RGPD3: variants seen among roughly 807,000 people sequenced by gnomAD.
RGPD3 encodes the protein RANBP2 like and GRIP domain containing 3, also known as ranBP2-like and GRIP domain-containing protein 3.
RGPD3 carries 62 observed loss-of-function variants against 154.5 expected under a neutral mutation model. The ratio of observed to expected loss-of-function variants is 0.40; its 90% CI spans 0.33 to 0.50. The LOEUF (loss-of-function observed/expected upper bound fraction) is 0.50. Ranked by LOEUF, RGPD3 falls within the 20% of genes least tolerant of loss-of-function variation. The pLI, the probability that RGPD3 is intolerant of heterozygous loss-of-function variation, is 0.59. For synonymous variants in RGPD3, 308 were observed against 607.0 expected (o/e 0.51, Z 7.24); for missense variants, 919 against 1,716.8 (o/e 0.54, Z 8.21).
Position 106,423,920 on chromosome 2 carries a change from A to G in RGPD3, c.4047T>C (p.Ser1349=), listed in dbSNP as rs767650294. ...AAACAACTTGTTCATTTTCCTCACC[A>G]CTGGATACTTCAACTAGATCAGGTA... is the stretch of plus-strand genomic sequence containing the variant. ...VPLPDLVEVS[S]GEENEQVVFS... Residue 1349 remains serine, a synonymous_variant, in exon 20 of 23, where the codon AGT becomes AGC. Transcript: ENST00000409886. 6 of 1,611,858 alleles carry G rather than the reference A, an allele frequency of 3.7e-6. No homozygotes were observed. Among genetic ancestry groups the G allele is most frequent in the South Asian group, 1.1e-5 (1 of 90,976 alleles).
chr2:106,407,239 G>C (rs1361976757), intron 22 of RGPD3, among the ~76,000 whole-genome samples: 1 of 151,446 alleles, frequency 6.6e-6, no homozygotes, highest in Non-Finnish European at 1.5e-5. Context: ...AGAAGACAGA[G>C]AGAGTCCGCT....
intron 20 of RGPD3, among the ~76,000 whole-genome samples, chr2:106,421,885 T>TA (rs1373810732): frequency 6.6e-6 from 1 of 151,446 alleles, no homozygotes; most frequent in Non-Finnish European, 1.5e-5. Flanking sequence ...CACTACATTT[T>TA]AAAAAACAAA....
At chr2:106,468,123 C>T (rs1258909142) in intron 1 of RGPD3, 94 bp downstream of exon 1, 10 of 1,469,478 alleles carry the variant, frequency 6.8e-6, no homozygotes, top group Non-Finnish European at 9.1e-6. Flanking sequence ...TCGTCGGGAG[C>T]CATGACGCCT....
chr2:106,438,397 A>G (rs897596410), intron 9 of RGPD3, among the ~76,000 whole-genome samples: 1 of 150,970 alleles, frequency 6.6e-6, no homozygotes, highest in African/African-American at 2.4e-5. Flanking sequence ...CTGAGGCAAG[A>G]GAATCCCTTG....
intron 20 of RGPD3, among the ~76,000 whole-genome samples, chr2:106,418,590 A>G (rs1291333322): frequency 1.3e-5 from 2 of 151,810 alleles, no homozygotes; most frequent in African/African-American, 2.4e-5. Context: ...TTTCTGAGAC[A>G]GGGTCTCACT....
chr2:106,416,082 A>G, intron 20 of RGPD3, 93 bp from the exon 21 acceptor site: 1 of 1,539,630 alleles, frequency 6.5e-7, no homozygotes, highest in Non-Finnish European at 8.8e-7. Flanking sequence ...ATATCTTACT[A>G]TGTGATATTT....
chr2:106,470,796 C>T (rs1207082866), upstream of RGPD3: 8 of 1,601,422 alleles, frequency 5.0e-6, no homozygotes, highest in South Asian at 5.6e-5. Flanking sequence ...TAGTCCTTTT[C>T]TTACCTCGTC....
intron 1 of RGPD3, among the ~76,000 whole-genome samples, chr2:106,464,868 C>T (rs1438611121): frequency 1.3e-5 from 2 of 150,840 alleles, no homozygotes; most frequent in Admixed American, 1.3e-4. Flanking sequence ...GGACTACAGG[C>T]GCTGCCACCA....
At chr2:106,425,851 T>C in intron 19 of RGPD3, 143 bp downstream of exon 19, 2 of 759,288 alleles carry the variant, frequency 2.6e-6, no homozygotes, top group Non-Finnish European at 3.7e-6. Context: ...ATAATTTCTG[T>C]ATTTGGAGAT....
chr2:106,461,582 G>A (rs1456974110), intron 1 of RGPD3, among the ~76,000 whole-genome samples: 4 of 151,480 alleles, frequency 2.6e-5, no homozygotes, highest in Admixed American at 2.6e-4. Flanking sequence ...GACCACGGGT[G>A]ACGCAGGTAA....
intron 19 of RGPD3, among the ~76,000 whole-genome samples, 198 bp from the exon 20 acceptor site, chr2:106,425,464 TA>T (rs1416793752): frequency 6.9e-6 from 1 of 145,204 alleles, no homozygotes; most frequent in Admixed American, 7.0e-5. Flanking sequence ...TATCTCATTT[TA>T]ATATCCTCAA....
intron 22 of RGPD3, among the ~76,000 whole-genome samples, chr2:106,412,516 G>A (rs1312783762): frequency 6.6e-6 from 1 of 151,134 alleles, no homozygotes; most frequent in Non-Finnish European, 1.5e-5. Flanking sequence ...CACCATGTTG[G>A]CCAGGATGGT....
rs1174729037 is a variant in RGPD3 at position 106,436,149 on chromosome 2, G to A, written c.1732C>T (p.His578Tyr). 6 of 1,609,770 alleles carry A rather than the reference G, an allele frequency of 3.7e-6. No homozygotes were observed. Among genetic ancestry groups the A allele is most frequent in the Admixed American group, 3.4e-5 (2 of 59,412 alleles). ...ATTTTCTGAAGGCATTTTGCCCAAT[G>A]TACAAGCAGAGCAGGTTGAAGGCCA... ...KHGLQPALLVHWAKCLQKMGS... is the reference protein window; with the variant it reads ...KHGLQPALLVYWAKCLQKMGS... The change falls in exon 12 of 23, where the codon CAT becomes TAT. Residue 578 changes from histidine (H) to tyrosine (Y), a missense_variant. Transcript: ENST00000409886.
chr2:106,460,729 TC>T (rs1272448698), intron 1 of RGPD3, among the ~76,000 whole-genome samples: 1 of 54,564 alleles, frequency 1.8e-5, no homozygotes, highest in African/African-American at 7.9e-5. Context: ...ACGCCTGTAA[TC>T]CCTGCTGCTT....
At chr2:106,468,857 G>C (rs111679270), upstream of RGPD3, among the ~76,000 whole-genome samples, 2 of 144,660 alleles carry the variant, frequency 1.4e-5, no homozygotes. Flanking sequence ...ATTTGAGGCA[G>C]CTGAGGAACT....
At chr2:106,410,823 T>C (rs947173215) in intron 22 of RGPD3, among the ~76,000 whole-genome samples, 1 of 152,042 alleles carries the variant, frequency 6.6e-6, no homozygotes, top group African/African-American at 2.4e-5. Context: ...CTACTAAAAA[T>C]ATACATGATG....
chr2:106,465,935 G>T (rs1030370204), intron 1 of RGPD3, among the ~76,000 whole-genome samples: 1 of 151,852 alleles, frequency 6.6e-6, no homozygotes, highest in African/African-American at 2.4e-5. Flanking sequence ...CTTGTCACTC[G>T]ACGCAGCCGC....
rs184527804 is a variant in RGPD3, at chr2:106,405,208, C to A, written c.*11G>T. ...AAGATAGGATGCCCATCCAGAAGAA[C>A]GGGAAGCATTTTATTCCTCACCTTT... On this transcript the variant is annotated 3_prime_UTR_variant, in exon 23 of 23. Coordinates refer to ENST00000409886, the MANE Select transcript of RGPD3 (RefSeq NM_001144013.2). 0.021 allele frequency: 34,309 copies of A among 1,607,558 alleles called. 402 individuals carry two copies. Among genetic ancestry groups the A allele is most frequent in the South Asian group, 0.031 (2,744 of 89,706 alleles).
In RGPD3 at chr2:106,415,940, C is replaced by T; in HGVS notation, c.4974G>A (p.Lys1658=). 5 of 1,611,786 alleles carry T rather than the reference C, an allele frequency of 3.1e-6. No homozygotes were observed. Among genetic ancestry groups the T allele is most frequent in the Non-Finnish European group, 4.2e-6 (5 of 1,179,834 alleles). The part of the protein sequence containing the change: ...AEFTKEELVQ[K]LSSTTKSADH... ...CTGCACTTTTTGTGGTGGAACTGAG[C>T]TTCTGAACCAATTCTTCTTTAGTAA... Residue 1658 remains lysine, a synonymous_variant, in exon 21 of 23, where the codon AAG becomes AAA. Coordinates refer to ENST00000409886, the MANE Select transcript of RGPD3 (RefSeq NM_001144013.2).
Sources: gnomAD v4.1 joint callset for allele counts (sites outside exome capture counted in the v4.1 genomes callset) on GRCh38, gnomAD v4.1.1 for gene constraint, MANE v1.5 for transcripts, NCBI Gene and HGNC (gene_info 2026-07-23, HGNC 2026-07-21) for gene names.